SAMTOR: variants seen among roughly 807,000 people sequenced by gnomAD.
The protein encoded by SAMTOR is S-adenosylmethionine sensor upstream of mTORC1.
chr7:112,855,494 A>G, the SAMTOR span, among the ~76,000 whole-genome samples: 1 of 152,160 alleles, frequency 6.6e-6, no homozygotes, highest in Non-Finnish European at 1.5e-5. Context: ...TTCAAGCCTC[A>G]TTCAGGTTTT....
the SAMTOR span, among the ~76,000 whole-genome samples, chr7:112,864,781 GTCTC>G: frequency 6.6e-6 from 1 of 152,124 alleles, no homozygotes; most frequent in Admixed American, 6.5e-5. Flanking sequence ...TTGAGACAGG[GTCTC>G]TCTCTGTCAC....
the SAMTOR span, among the ~76,000 whole-genome samples, chr7:112,905,482 T>C: frequency 1.3e-5 from 2 of 152,112 alleles, no homozygotes; most frequent in Non-Finnish European, 2.9e-5. Flanking sequence ...ATAATACTTA[T>C]CTGATCTCAT....
the SAMTOR span, among the ~76,000 whole-genome samples, chr7:112,840,792 T>A: frequency 1.3e-5 from 2 of 151,944 alleles, no homozygotes; most frequent in Non-Finnish European, 2.9e-5. Flanking sequence ...TGGCTCAACA[T>A]ACGCAAATCA....
At chr7:112,906,744 G>T in the SAMTOR span, among the ~76,000 whole-genome samples, 1 of 151,836 alleles carries the variant, frequency 6.6e-6, no homozygotes, top group Non-Finnish European at 1.5e-5. Context: ...GCTAATTTTT[G>T]TATTTTTAGT....
chr7:112,875,034 G>A, the SAMTOR span, among the ~76,000 whole-genome samples: 398 of 152,250 alleles, frequency 2.6e-3, 2 homozygotes, highest in African/African-American at 8.9e-3. Context: ...GGCAGTATCC[G>A]TGATCCAATC....
chr7:112,902,448 A>AAAAAAAAAAAAAAAAAAAAAAAAG, the SAMTOR span, among the ~76,000 whole-genome samples: 1 of 120,344 alleles, frequency 8.3e-6, no homozygotes, highest in Non-Finnish European at 1.7e-5. Flanking sequence ...ACAAAAAAAA[A>AAAAAAAAAAAAAAAAAAAAAAAAG]CAAAAAAAAA....
the SAMTOR span, among the ~76,000 whole-genome samples, chr7:112,864,997 G>A: frequency 3.9e-5 from 6 of 152,164 alleles, no homozygotes; most frequent in Admixed American, 1.3e-4. Context: ...CAAGTGATCC[G>A]CTTGCCTTGA....
At chr7:112,901,648 G>A in the SAMTOR span, among the ~76,000 whole-genome samples, 9 of 152,298 alleles carry the variant, frequency 5.9e-5, no homozygotes, top group Admixed American at 4.6e-4. Flanking sequence ...TGCCAAAAAA[G>A]TTGAGGACTG....
At chr7:112,828,440 G>A in the SAMTOR span, among the ~76,000 whole-genome samples, 2 of 152,028 alleles carry the variant, frequency 1.3e-5, no homozygotes, top group African/African-American at 2.4e-5. Flanking sequence ...TTCATGTGAC[G>A]TTCTCCCTGT....
chr7:112,910,352 A>T, the SAMTOR span, among the ~76,000 whole-genome samples: 1 of 152,206 alleles, frequency 6.6e-6, no homozygotes, highest in Non-Finnish European at 1.5e-5. Flanking sequence ...ACATGTAATC[A>T]TCATTCACCA....
the SAMTOR span, among the ~76,000 whole-genome samples, chr7:112,929,278 G>T: frequency 6.6e-6 from 1 of 151,872 alleles, no homozygotes; most frequent in African/African-American, 2.4e-5. Flanking sequence ...AATGGGCAAT[G>T]ACCTGAATAG....
the SAMTOR span, among the ~76,000 whole-genome samples, chr7:112,890,726 A>T: frequency 6.6e-6 from 1 of 151,806 alleles, no homozygotes; most frequent in Non-Finnish European, 1.5e-5. Flanking sequence ...TCACTCTGTC[A>T]CTCAGGCTGG....
the SAMTOR span, among the ~76,000 whole-genome samples, chr7:112,911,695 A>T: frequency 2.6e-5 from 4 of 151,998 alleles, no homozygotes; most frequent in African/African-American, 9.7e-5. Context: ...AAATGGACAA[A>T]AACAGAGAAC....
At chr7:112,851,362 G>A in the SAMTOR span, among the ~76,000 whole-genome samples, 13 of 151,928 alleles carry the variant, frequency 8.6e-5, 1 homozygote, top group East Asian at 1.2e-3. Context: ...ATAGATCAGC[G>A]GAACAAAGCA....
the SAMTOR span, chr7:112,895,638 A>G: frequency 1.3e-6 from 2 of 1,597,966 alleles, no homozygotes; most frequent in African/African-American, 1.3e-5. Flanking sequence ...AGACTCATGC[A>G]TATTTAAGGC....
chr7:112,832,711 A>G, the SAMTOR span: 3 of 1,278,430 alleles, frequency 2.3e-6, no homozygotes, highest in South Asian at 3.6e-5. Flanking sequence ...AAAATCAAAT[A>G]TGAGAATGTA....
chr7:112,831,686 T>C, the SAMTOR span, among the ~76,000 whole-genome samples: 2 of 152,164 alleles, frequency 1.3e-5, no homozygotes, highest in African/African-American at 2.4e-5. Context: ...GTGATCCTGC[T>C]TCACTGAATT....
At chr7:112,906,265 T>C in the SAMTOR span, among the ~76,000 whole-genome samples, 7 of 152,326 alleles carry the variant, frequency 4.6e-5, 1 homozygote, top group African/African-American at 1.7e-4. Flanking sequence ...TGTAACACAA[T>C]TGTTAAGTAT....
the SAMTOR span, among the ~76,000 whole-genome samples, chr7:112,899,789 G>GAAAAAA: frequency 3.9e-4 from 44 of 113,376 alleles, no homozygotes; most frequent in African/African-American, 1.6e-3. Flanking sequence ...TGTGCTGAAG[G>GAAAAAA]AAAAAAAAAA....
Sources: gnomAD v4.1 joint callset for allele counts (sites outside exome capture counted in the v4.1 genomes callset) on GRCh38, gnomAD v4.1.1 for gene constraint, MANE v1.5 for transcripts, NCBI Gene and HGNC (gene_info 2026-07-23, HGNC 2026-07-21) for gene names.